Variants in TMED3 observed in about 807,000 individuals in gnomAD.
TMED3 encodes transmembrane emp24 domain-containing protein 3.
In TMED3, 9 loss-of-function variants were observed where a neutral mutation model predicts 15.0. The ratio of observed to expected loss-of-function variants is 0.60; its 90% CI spans 0.36 to 1.04. The LOEUF is 1.04. Among genes scored for constraint, TMED3 ranks in the 50% least tolerant of loss-of-function variants. The pLI is 0.01. For missense variants in TMED3, 267 were observed against 278.9 expected (o/e 0.96, Z 0.30); for synonymous variants, 117 against 121.4 (o/e 0.96, Z 0.24).
intron 2 of TMED3, among the ~76,000 whole-genome samples, chr15:79,330,419 G>A (rs1046459228): frequency 1.4e-4 from 21 of 151,996 alleles, no homozygotes; most frequent in Admixed American, 1.4e-3. Context: ...AGTCAAGAAG[G>A]CAATCCCATT....
chr15:79,335,872 C>G (rs2058825194), intron 2 of TMED3, among the ~76,000 whole-genome samples: 2 of 152,182 alleles, frequency 1.3e-5, no homozygotes, highest in Admixed American at 6.5e-5. Context: ...TTGCTAGGCA[C>G]CAACCACAGT....
At chr15:79,344,537 C>T (rs528306420) in intron 2 of TMED3, among the ~76,000 whole-genome samples, 1 of 152,146 alleles carries the variant, frequency 6.6e-6, no homozygotes, top group African/African-American at 2.4e-5. Context: ...GTTTCTTGGT[C>T]TCTCTCTCTT....
intron 2 of TMED3, chr15:79,314,652 A>G (rs2058732958): frequency 2.4e-6 from 1 of 425,380 alleles, no homozygotes; most frequent in African/African-American, 2.0e-5. Flanking sequence ...CTCATGTCCC[A>G]TGGGTGAGAA....
intron 2 of TMED3, among the ~76,000 whole-genome samples, chr15:79,353,148 AT>A (rs1298143085): frequency 2.7e-5 from 2 of 73,984 alleles, no homozygotes; most frequent in Non-Finnish European, 2.3e-5. Context: ...TAAAAAATAT[AT>A]AAAATATATA....
At chr15:79,342,016 A>T (rs185552160) in intron 2 of TMED3, among the ~76,000 whole-genome samples, 1 of 152,242 alleles carries the variant, frequency 6.6e-6, no homozygotes, top group Non-Finnish European at 1.5e-5. Context: ...AAAATGACAC[A>T]TAAAAACACA....
At chr15:79,406,078 A>T (rs1253484529) in intron 2 of TMED3, among the ~76,000 whole-genome samples, 3 of 152,178 alleles carry the variant, frequency 2.0e-5, no homozygotes, top group Non-Finnish European at 4.4e-5. Flanking sequence ...CATCTACTAT[A>T]TCTATTTCGT....
chr15:79,411,591 T>C (rs1311152358), exon 3 of TMED3: 12 of 678,176 alleles, frequency 1.8e-5, no homozygotes, highest in Non-Finnish European at 3.2e-5. Flanking sequence ...TGCACAGAGC[T>C]ACCATGCACT....
intron 2 of TMED3, among the ~76,000 whole-genome samples, chr15:79,341,013 C>T (rs978790077): frequency 1.3e-5 from 2 of 151,950 alleles, no homozygotes; most frequent in Non-Finnish European, 2.9e-5. Flanking sequence ...GGGCAACATA[C>T]TGAGGCCCCA....
intron 2 of TMED3, among the ~76,000 whole-genome samples, chr15:79,327,973 A>G (rs1178744124): frequency 6.6e-6 from 1 of 152,212 alleles, no homozygotes; most frequent in East Asian, 1.9e-4. Context: ...TAAGAATTCT[A>G]AGAGCTACAA....
chr15:79,370,990 C>A (rs1348610223), intron 2 of TMED3, among the ~76,000 whole-genome samples: 1 of 152,232 alleles, frequency 6.6e-6, no homozygotes. Context: ...CAGCCAACTT[C>A]TCCAGAGAGG....
intron 2 of TMED3, among the ~76,000 whole-genome samples, chr15:79,317,114 A>G (rs1391895491): frequency 6.6e-6 from 1 of 152,162 alleles, no homozygotes; most frequent in African/African-American, 2.4e-5. Flanking sequence ...GCTGTAGAGT[A>G]TCACCTGTTG....
chr15:79,339,860 GGTGGTGATGATGGTA>G (rs2058844553), intron 2 of TMED3, among the ~76,000 whole-genome samples: 1 of 150,622 alleles, frequency 6.6e-6, no homozygotes. Context: ...TTAGGATGAT[GGTGGTGATGATGGTA>G]GTGGTGATGG....
intron 1 of TMED3, 24 bp from the exon 2 acceptor site, chr15:79,313,733 C>T: frequency 6.2e-7 from 1 of 1,603,770 alleles, no homozygotes; most frequent in South Asian, 1.1e-5. Flanking sequence ...CCTTTGATAA[C>T]AGCAATTTTT....
In TMED3 at chr15:79,334,419, TC is replaced by T. The variant is rs1179383373; in HGVS notation, c.417+20415del. Among the ~76,000 whole-genome samples, 7 of 152,102 alleles carry T rather than the reference TC, an allele frequency of 4.6e-5. No individual in the cohort carries two copies. In the South Asian group the frequency reaches 1.0e-3, roughly 23 times the overall value. On this transcript the variant is annotated intron_variant, in intron 2 of 2. Transcript: ENST00000424155. ...TGTGTGAGCAGCAGGGGTGACCCCT[TC>T]TCTTTTCCTCATTTCAGAGTGGCAG...
At chr15:79,344,516 T>C (rs76929996) in intron 2 of TMED3, among the ~76,000 whole-genome samples, 1,529 of 152,282 alleles carry the variant, frequency 0.01, 31 homozygotes, top group African/African-American at 0.035. Context: ...CCAACTCCAT[T>C]TCACATGGTG....
At chr15:79,315,788 T>A (rs2058737978) in intron 2 of TMED3, 1 of 152,246 alleles carries the variant, frequency 6.6e-6, no homozygotes, top group Admixed American at 6.5e-5. Context: ...GAGTACTTGC[T>A]TTTATGCCAG....
chr15:79,360,072 C>T (rs547796615), intron 2 of TMED3, among the ~76,000 whole-genome samples: 2 of 152,202 alleles, frequency 1.3e-5, no homozygotes, highest in Admixed American at 1.3e-4. Context: ...AGTGAGACTG[C>T]GGGAAGAAAA....
At chr15:79,406,368 A>C (rs1288729630) in intron 2 of TMED3, among the ~76,000 whole-genome samples, 1 of 152,190 alleles carries the variant, frequency 6.6e-6, no homozygotes, top group East Asian at 1.9e-4. Context: ...CAGAATAACT[A>C]GAGGGTAGGT....
chr15:79,376,970 A>T (rs1012272138), intron 2 of TMED3, among the ~76,000 whole-genome samples: 18 of 152,038 alleles, frequency 1.2e-4, no homozygotes, highest in Admixed American at 2.6e-4. Flanking sequence ...CAAGACTGTG[A>T]CTACTTACTG....
Sources: allele counts gnomAD v4.1 joint callset (sites outside exome capture counted in the v4.1 genomes callset), GRCh38; gene constraint gnomAD v4.1.1; transcripts MANE v1.5; gene names NCBI Gene and HGNC (gene_info 2026-07-23, HGNC 2026-07-21).